The following RANBP17 variants were observed in gnomAD, a reference collection of about 807,000 sequenced individuals.
RANBP17 encodes ran-binding protein 17.
Under a neutral mutation model 141.2 loss-of-function variants are expected in RANBP17, and 158 were observed. The ratio of observed to expected loss-of-function variants is 1.12; its 90% confidence interval spans 0.98 to 1.28. The LOEUF is 1.28. Among genes scored for constraint, RANBP17 ranks in the 50% most tolerant of loss-of-function variants. The pLI, the probability that RANBP17 is intolerant of heterozygous loss-of-function variation, is 0.00. For synonymous variants in RANBP17, 430 were observed against 450.0 expected (o/e 0.96, Z 0.56); for missense variants, 1,438 against 1,290.7 (o/e 1.11, Z -1.75).
intron 16 of RANBP17, among the ~76,000 whole-genome samples, chr5:171,181,840 C>T (rs1198166579): frequency 6.6e-6 from 1 of 152,160 alleles, no homozygotes; most frequent in Non-Finnish European, 1.5e-5. Context: ...TTTCTTTTTC[C>T]GTGATTGATA....
intron 14 of RANBP17, among the ~76,000 whole-genome samples, chr5:171,142,429 G>A (rs1449529628): frequency 6.6e-6 from 1 of 152,130 alleles, no homozygotes; most frequent in African/African-American, 2.4e-5. Flanking sequence ...TGGAACCCAG[G>A]CTATTATTGC....
intron 5 of RANBP17, among the ~76,000 whole-genome samples, chr5:170,908,936 G>A (rs149569376): frequency 2.8e-4 from 42 of 151,938 alleles, no homozygotes; most frequent in Non-Finnish European, 5.3e-4. Context: ...TAATGCCATA[G>A]CAACTGTAGA....
chr5:171,297,887 G>A (rs111938091), intron 27 of RANBP17, among the ~76,000 whole-genome samples: 4 of 110,652 alleles, frequency 3.6e-5, no homozygotes, highest in Admixed American at 1.4e-4. Flanking sequence ...ACAGAGTCTC[G>A]CTCTGTTTCC....
intron 12 of RANBP17, among the ~76,000 whole-genome samples, chr5:170,925,343 A>G (rs993848804): frequency 3.9e-5 from 6 of 152,284 alleles, no homozygotes; most frequent in South Asian, 2.1e-4. Context: ...TAAGTCACAC[A>G]GTACTGATGA....
intron 14 of RANBP17, among the ~76,000 whole-genome samples, chr5:170,974,876 G>A (rs887183244): frequency 6.6e-6 from 1 of 152,162 alleles, no homozygotes; most frequent in East Asian, 1.9e-4. Flanking sequence ...GGAGTATTAA[G>A]GCAGGGCCAG....
chr5:171,202,530 C>T (rs1253397300), intron 19 of RANBP17, among the ~76,000 whole-genome samples: 3 of 152,170 alleles, frequency 2.0e-5, no homozygotes, highest in Non-Finnish European at 4.4e-5. Flanking sequence ...AAAGTTTTCG[C>T]ACTAAGTGCC....
chr5:170,992,822 A>G lies in RANBP17; in HGVS notation c.1710+24445A>G, dbSNP rs557432342. ...AATGTTGAATTAGAGTAGTGGCCTCAAACTGAGGTCCCAGATTAGCAGTGT... is the reference window on the plus strand; with the variant it reads ...AATGTTGAATTAGAGTAGTGGCCTCGAACTGAGGTCCCAGATTAGCAGTGT... On this transcript the variant is annotated intron_variant, in intron 14 of 27. Transcript: ENST00000523189. Among the ~76,000 whole-genome samples the G allele has an allele frequency of 3.9e-5, 6 of 152,118 alleles. No homozygotes were observed. The South Asian group carries it at 1.2e-3, about 32-fold the overall frequency.
At chr5:170,885,168 G>T (rs970780017) in intron 3 of RANBP17, among the ~76,000 whole-genome samples, 3 of 152,102 alleles carry the variant, frequency 2.0e-5, no homozygotes, top group Non-Finnish European at 4.4e-5. Flanking sequence ...TTTAGCTATA[G>T]TATACAGTAG....
intron 9 of RANBP17, among the ~76,000 whole-genome samples, chr5:170,916,841 G>A (rs112312618): frequency 2.0e-5 from 3 of 151,306 alleles, no homozygotes; most frequent in African/African-American, 4.9e-5. Flanking sequence ...TCAGCCTCTT[G>A]AGTAGCTGGG....
At chr5:171,280,065 A>G (rs1373574143) in intron 25 of RANBP17, among the ~76,000 whole-genome samples, 2 of 152,146 alleles carry the variant, frequency 1.3e-5, no homozygotes, top group East Asian at 3.9e-4. Flanking sequence ...GAATTTCTTC[A>G]AAGAATGGCA....
intron 8 of RANBP17, 49 bp from the exon 9 acceptor site, chr5:170,916,416 G>A: frequency 7.0e-7 from 1 of 1,438,546 alleles, no homozygotes; most frequent in Non-Finnish European, 9.3e-7. Context: ...CTTACATGTG[G>A]CCACAGATAC....
intron 11 of RANBP17, among the ~76,000 whole-genome samples, chr5:170,921,698 T>C (rs923324585): frequency 2.0e-4 from 30 of 152,326 alleles, no homozygotes; most frequent in South Asian, 6.2e-4. Flanking sequence ...ATTTTCATGA[T>C]ATTGATTCTT....
intron 20 of RANBP17, chr5:171,206,152 A>T (rs1762565419): frequency 5.8e-6 from 1 of 172,362 alleles, no homozygotes; most frequent in Non-Finnish European, 1.2e-5. Context: ...GAAAAAAAAA[A>T]AAAACCCCCC....
chr5:170,896,075 G>A lies in RANBP17; in HGVS notation c.449G>A (p.Gly150Glu), dbSNP rs1158675690. Residue 150 changes from glycine (G) to glutamate (E), a missense_variant, in exon 5 of 28, where the codon GGA becomes GAA. Coordinates refer to ENST00000523189, the MANE Select transcript of RANBP17 (RefSeq NM_022897.5). ...GGTACTGTGGAACACTGCATAATAG[G>A]AGTAATAATCCTTTCTGAATTGACT... ...LQGTVEHCII[G>E]VIILSELTQE... is the part of the protein sequence containing the mutation. 3.7e-6 allele frequency: 6 copies of A among 1,608,426 alleles called. No homozygotes were observed. In the African/African-American group the frequency reaches 6.7e-5, roughly 18 times the overall value.
At chr5:171,036,738 C>T (rs1428426936) in intron 14 of RANBP17, among the ~76,000 whole-genome samples, 1 of 152,160 alleles carries the variant, frequency 6.6e-6, no homozygotes, top group African/African-American at 2.4e-5. Flanking sequence ...TGGCCTCCAG[C>T]TGCATCCATG....
chr5:171,091,779 C>G (rs1786301763), intron 14 of RANBP17, among the ~76,000 whole-genome samples: 1 of 152,200 alleles, frequency 6.6e-6, no homozygotes, highest in Admixed American at 6.5e-5. Flanking sequence ...CTCTTGCCTG[C>G]TACCATGTGA....
In RANBP17 at chr5:171,199,758, A is replaced by T; in HGVS notation, c.2127A>T (p.Lys709Asn). 6.2e-7 allele frequency: 1 copy of T among 1,600,356 alleles called. No individual in the cohort carries two copies. Among genetic ancestry groups the T allele is most frequent in the Non-Finnish European group, 8.6e-7 (1 of 1,169,210 alleles). ...TVLQIFNNNF[K>N]QEDVKRMLIG... ...TACAAATATTCAACAACAACTTTAA[A>T]CAAGAAGATGTAAAGGTGGGTTTGT... is the stretch of plus-strand genomic sequence containing the variant. Residue 709 changes from lysine (K) to asparagine (N), a missense_variant, in exon 19 of 28, where the codon AAA becomes AAT. By Grantham distance (94) the Lys-to-Asn change is moderately conservative. Coordinates refer to ENST00000523189, the MANE Select transcript of RANBP17 (RefSeq NM_022897.5).
intron 14 of RANBP17, among the ~76,000 whole-genome samples, chr5:171,057,615 G>A (rs1292011149): frequency 6.6e-6 from 1 of 151,712 alleles, no homozygotes; most frequent in African/African-American, 2.4e-5. Context: ...GTATTTATTA[G>A]TCTGTTCTCA....
intron 14 of RANBP17, among the ~76,000 whole-genome samples, chr5:171,024,996 T>C (rs974971163): frequency 3.9e-5 from 6 of 152,210 alleles, no homozygotes; most frequent in African/African-American, 1.4e-4. Flanking sequence ...AAAGCTGCTT[T>C]ACCTTTATAT....
Sources: allele counts gnomAD v4.1 joint callset (sites outside exome capture counted in the v4.1 genomes callset), GRCh38; gene constraint gnomAD v4.1.1; transcripts MANE v1.5; gene names NCBI Gene and HGNC (gene_info 2026-07-23, HGNC 2026-07-21).